RPS19: variants seen among roughly 807,000 people sequenced by gnomAD.
RPS19 encodes ribosomal protein S19, also known as small ribosomal subunit protein eS19.
Under a neutral mutation model 20.3 loss-of-function variants are expected in RPS19, and 1 was observed. The observed-to-expected ratio is 0.05, with a 90% CI of 0.02 to 0.23. The LOEUF (loss-of-function observed/expected upper bound fraction) is 0.23, where lower values mean the gene tolerates loss of function less well. Among genes scored for constraint, RPS19 ranks in the 10% least tolerant of loss-of-function variants. RPS19 has a pLI of 1.00. For missense variants in RPS19, 111 were observed against 192.7 expected (o/e 0.58, Z 2.51); for synonymous variants, 87 against 74.8 (o/e 1.16, Z -0.84).
intron 3 of RPS19, among the ~76,000 whole-genome samples, chr19:41,867,301 C>T (rs1464634320): frequency 1.3e-5 from 2 of 151,438 alleles, no homozygotes; most frequent in Admixed American, 6.6e-5. Flanking sequence ...TGCATATATC[C>T]TATGTAGATG....
intron 2 of RPS19, 44 bp from the exon 3 acceptor site, chr19:41,861,068 G>C: frequency 6.8e-7 from 1 of 1,476,970 alleles, no homozygotes; most frequent in Non-Finnish European, 9.5e-7. Context: ...GGGGTAGTTT[G>C]TGGAGATGAC....
At chr19:41,870,845 CTTCCTTTTTTTT>C (rs1191187866) in intron 5 of RPS19, among the ~76,000 whole-genome samples, 2 of 112,856 alleles carry the variant, frequency 1.8e-5, no homozygotes, top group African/African-American at 6.5e-5. Context: ...CCGCCACTCC[CTTCCTTTTTTTT>C]TTTTTTTTTT....
At chr19:41,863,377 A>G (rs1407844003) in intron 3 of RPS19, among the ~76,000 whole-genome samples, 2 of 152,170 alleles carry the variant, frequency 1.3e-5, no homozygotes, top group Non-Finnish European at 2.9e-5. Flanking sequence ...TGTTTTACCA[A>G]AGAGGAAGCT....
Position 41,860,421 on chromosome 19 carries a change from C to T in RPS19, c.-1+132C>T, listed in dbSNP as rs1262368716. ...CGCCCCCTAGAGCCGCGGCCACGTG[C>T]GAGCGGCAGGCCCGGACATGCCCGG... On this transcript the variant is annotated intron_variant, in intron 1 of 5. Coordinates refer to ENST00000598742, the MANE Select transcript of RPS19 (RefSeq NM_001022.4). 3.3e-5 allele frequency: 8 copies of T among 240,302 alleles called. No homozygotes were observed. The East Asian group carries it at 9.0e-4, about 27-fold the overall frequency. The allele number at this position is 240,302 out of a possible 1,614,324, so 14.9% of individuals were successfully genotyped here. A position where few individuals can be genotyped will look rare whatever the true frequency, so the allele number is the denominator to read the frequency against.
chr19:41,870,242 CAA>C (rs879977226), intron 5 of RPS19, among the ~76,000 whole-genome samples: 1 of 141,240 alleles, frequency 7.1e-6, no homozygotes, highest in Non-Finnish European at 1.6e-5. Flanking sequence ...AACTCCATCT[CAA>C]AAAAAAAAAA....
At chr19:41,867,189 A>G (rs959860448) in intron 3 of RPS19, among the ~76,000 whole-genome samples, 2 of 151,226 alleles carry the variant, frequency 1.3e-5, no homozygotes, top group Non-Finnish European at 2.9e-5. Flanking sequence ...TGTAGTCCCA[A>G]CTATTCAGGA....
At chr19:41,868,253 A>G (rs530030690) in intron 3 of RPS19, among the ~76,000 whole-genome samples, 1 of 152,308 alleles carries the variant, frequency 6.6e-6, no homozygotes, top group South Asian at 2.1e-4. Context: ...CAGTGGCAGG[A>G]CAGGGCAGTT....
intron 5 of RPS19, among the ~76,000 whole-genome samples, chr19:41,869,983 C>T (rs535632073): frequency 6.6e-6 from 1 of 152,314 alleles, no homozygotes; most frequent in South Asian, 2.1e-4. Context: ...TGTCTCACCC[C>T]TGTAATCCCA....
intron 5 of RPS19, 116 bp downstream of exon 5, chr19:41,869,869 C>A: frequency 1.8e-6 from 2 of 1,105,218 alleles, no homozygotes; most frequent in Non-Finnish European, 2.7e-6. Context: ...GCCCAGGGTG[C>A]TGGTGGGGTC....
chr19:41,871,482 T>A lies in RPS19; in HGVS notation c.*105T>A. On this transcript the variant is annotated 3_prime_UTR_variant, in exon 6 of 6. Coordinates refer to ENST00000598742, the MANE Select transcript of RPS19 (RefSeq NM_001022.4). ...CCCAGGCTGGAGTGCAGTGGCGCCA[T>A]CTCAGCTCACTGCAATCTCCGCCTT... The A allele has an allele frequency of 1.0e-6, 1 of 973,354 alleles. No homozygotes were observed. The highest frequency in any genetic ancestry group is 1.3e-5 in the South Asian group (1 of 76,940). 60.3% of individuals were successfully genotyped at this position (973,354 alleles called of 1,614,324 possible).
At chr19:41,865,471 A>AC (rs781865523) in intron 3 of RPS19, among the ~76,000 whole-genome samples, 1 of 151,838 alleles carries the variant, frequency 6.6e-6, no homozygotes, top group Non-Finnish European at 1.5e-5. Flanking sequence ...AGCACAAACC[A>AC]CCTGGAGGAT....
chr19:41,865,949 TAAAAA>T (rs35155067), intron 3 of RPS19, among the ~76,000 whole-genome samples: 1 of 74,506 alleles, frequency 1.3e-5, no homozygotes, highest in South Asian at 6.1e-4. Flanking sequence ...ACTCCGTCTT[TAAAAA>T]AAAAAAAAAA....
rs1012907387 is a variant in RPS19 at position 41,871,586 on chromosome 19, T to G, written c.*209T>G. On this transcript the variant is annotated 3_prime_UTR_variant, in exon 6 of 6. Transcript: ENST00000598742. ...TGTGAGCCACTGTGCCTGGTCTGGT[T>G]TGGGTCTCTTGATTGTTCTTCAGGG... The G allele has an allele frequency of 1.4e-5, 8 of 561,812 alleles. No individual in the cohort carries two copies. Among genetic ancestry groups the G allele is most frequent in the Admixed American group, 8.7e-5 (3 of 34,340 alleles). 34.8% of individuals were successfully genotyped at this position (561,812 alleles called of 1,614,324 possible). A position where few individuals can be genotyped will look rare whatever the true frequency, so the allele number is the denominator to read the frequency against.
At chr19:41,860,353 G>T (rs1555838896) in intron 1 of RPS19, 64 bp downstream of exon 1, 6 of 156,658 alleles carry the variant, frequency 3.8e-5, no homozygotes, top group Non-Finnish European at 1.4e-5. Context: ...AAGCCTCAGA[G>T]CGCGTGCCTG....
Position 41,869,261 on chromosome 19 carries a change from C to T in RPS19, c.356+47C>T, listed in dbSNP as rs201042410. 3.8e-4 allele frequency: 581 copies of T among 1,533,868 alleles called. 2 individuals are homozygous for T. The East Asian group carries it at 5.3e-3, about 14-fold the overall frequency. ...GCATTGATGGAGTAGCCTTGAGGCC[C>T]GGTCATCAATTCCCCAACGAATGGT... On this transcript the variant is annotated intron_variant, in intron 4 of 5. Coordinates refer to ENST00000598742, the MANE Select transcript of RPS19 (RefSeq NM_001022.4).
intron 3 of RPS19, among the ~76,000 whole-genome samples, chr19:41,862,990 A>G (rs2074048170): frequency 6.6e-6 from 1 of 152,182 alleles, no homozygotes; most frequent in South Asian, 2.1e-4. Context: ...CAGAAGCTGT[A>G]GCCTACAAAG....
At chr19:41,871,309 G>T in intron 5 of RPS19, 42 bp from the exon 6 acceptor site, 1 of 1,608,062 alleles carries the variant, frequency 6.2e-7, no homozygotes, top group African/African-American at 1.3e-5. Flanking sequence ...CCCCAGCAGA[G>T]ACCCCCTTGA....
chr19:41,869,674 C>A (rs782109638), intron 4 of RPS19, 25 bp from the exon 5 acceptor site: 45 of 1,613,040 alleles, frequency 2.8e-5, no homozygotes, highest in Non-Finnish European at 3.7e-5. Context: ...TCACTGGGGC[C>A]TGCATGACCC....
At chr19:41,868,898 GT>G (rs1265134573) in intron 3 of RPS19, 132 bp from the exon 4 acceptor site, 35 of 944,352 alleles carry the variant, frequency 3.7e-5, no homozygotes, top group Non-Finnish European at 5.4e-5. Context: ...GGGGCTGTCA[GT>G]TTCTGGGTGT....
Sources: gnomAD v4.1 joint callset for allele counts (sites outside exome capture counted in the v4.1 genomes callset) on GRCh38, gnomAD v4.1.1 for gene constraint, MANE v1.5 for transcripts, NCBI Gene and HGNC (gene_info 2026-07-23, HGNC 2026-07-21) for gene names.